ALDH1A3: variants seen among roughly 807,000 people sequenced by gnomAD.
The protein encoded by ALDH1A3 is retinaldehyde dehydrogenase 3.
ALDH1A3 carries 28 observed loss-of-function variants against 57.5 expected under a neutral mutation model. That is an observed-to-expected ratio of 0.49 (90% CI 0.36 to 0.67). The LOEUF (loss-of-function observed/expected upper bound fraction) is 0.67. ALDH1A3 is among the 30% of genes least tolerant of loss of function. The pLI is 0.00. For synonymous variants in ALDH1A3, 281 were observed against 264.8 expected (o/e 1.06, Z -0.59); for missense variants, 507 against 669.4 (o/e 0.76, Z 2.68).
chr15:100,885,777 A>G (rs971395131), intron 2 of ALDH1A3, among the ~76,000 whole-genome samples: 4 of 152,138 alleles, frequency 2.6e-5, no homozygotes, highest in African/African-American at 9.7e-5. Flanking sequence ...TTTAGAAAAA[A>G]ATAGACACTT....
rs4646654 is a variant in ALDH1A3, at chr15:100,885,193, C to T, written c.100-74C>T. Reference sequence around the variant, plus strand: ...GTGGACAAGATGGATAAGACGTCACCTAAGGTCCTTAGCATGTTGAAATTA... The same window carrying T: ...GTGGACAAGATGGATAAGACGTCACTTAAGGTCCTTAGCATGTTGAAATTA... On this transcript the variant is annotated intron_variant, in intron 1 of 12. Coordinates refer to ENST00000329841, the MANE Select transcript of ALDH1A3 (RefSeq NM_000693.4). 6,579 of 1,069,936 alleles carry T rather than the reference C, an allele frequency of 6.1e-3. 99 individuals are homozygous for T. Among genetic ancestry groups the T allele is most frequent in the East Asian group, 0.039 (1,644 of 42,098 alleles). The allele number at this position is 1,069,936 out of a possible 1,614,324, so 66.3% of individuals were successfully genotyped here.
At chr15:100,885,497 G>C in intron 2 of ALDH1A3, 126 bp downstream of exon 2, 1 of 662,324 alleles carries the variant, frequency 1.5e-6, no homozygotes, top group Non-Finnish European at 2.6e-6. Context: ...GGCTAGCTGC[G>C]TGAATTGGCA....
chr15:100,881,635 G>A (rs1300948208), intron 1 of ALDH1A3: 1 of 152,072 alleles, frequency 6.6e-6, no homozygotes, highest in Admixed American at 6.6e-5. Flanking sequence ...ACAATTCACA[G>A]AGCAATGGTT....
Position 100,887,540 on chromosome 15 carries a change from G to T in ALDH1A3, c.205-32G>T. 2 of 1,514,430 alleles carry T rather than the reference G, an allele frequency of 1.3e-6. No individual in the cohort carries two copies. The highest frequency in any genetic ancestry group is 2.6e-5 in the South Asian group (2 of 77,588). 93.8% of individuals were successfully genotyped at this position (1,514,430 alleles called of 1,614,324 possible). A position where few individuals can be genotyped will look rare whatever the true frequency, so the allele number is the denominator to read the frequency against. ...CCAAACTGCAGTCACGTCAAAAGAT[G>T]ACAGTCTCTCTCTGTTGTTCTGGTC... On this transcript the variant is annotated intron_variant, in intron 2 of 12. Coordinates refer to ENST00000329841, the MANE Select transcript of ALDH1A3 (RefSeq NM_000693.4). The surrounding 1 kb of genome is among the most constrained non-coding windows in gnomAD (Gnocchi z 4.6).
At chr15:100,892,191 C>G (rs2041656881) in intron 3 of ALDH1A3, 2 of 312,292 alleles carry the variant, frequency 6.4e-6, no homozygotes, top group Non-Finnish European at 1.2e-5. Flanking sequence ...AGATCAGATG[C>G]CAGTGTGCGT....
At chr15:100,904,699 G>A (rs1337350745) in intron 9 of ALDH1A3, among the ~76,000 whole-genome samples, 1 of 152,174 alleles carries the variant, frequency 6.6e-6, no homozygotes, top group Non-Finnish European at 1.5e-5. Flanking sequence ...AAAAGGGTGC[G>A]CTTTTGACAA....
Position 100,907,124 on chromosome 15 carries a change from T to C in ALDH1A3, c.1237T>C (p.Phe413Leu), listed in dbSNP as rs2041830007. ...CCATTCTTGCAATTAATCATAGATT[T>C]TCGGGCCAGTGCAACCAATACTGAA... is the stretch of plus-strand genomic sequence containing the variant. The part of the protein sequence containing the change: ...DNMRIAKEEI[F>L]GPVQPILKFK... Residue 413 changes from phenylalanine to leucine, a missense_variant, in exon 11 of 13, where the codon TTC becomes CTC. By Grantham distance (22) the Phe-to-Leu change is conservative. This residue lies in a region of ALDH1A3 where 432 missense variants were observed against 608.4 expected (regional missense o/e 0.71). Coordinates refer to ENST00000329841, the MANE Select transcript of ALDH1A3 (RefSeq NM_000693.4). 6.2e-7 allele frequency: 1 copy of C among 1,612,144 alleles called. No homozygotes were observed. Among genetic ancestry groups the C allele is most frequent in the Non-Finnish European group, 8.5e-7 (1 of 1,178,954 alleles).
intron 3 of ALDH1A3, among the ~76,000 whole-genome samples, chr15:100,891,316 C>T (rs968355062): frequency 2.6e-5 from 4 of 152,216 alleles, no homozygotes; most frequent in Non-Finnish European, 4.4e-5. Flanking sequence ...AACTAGGGTT[C>T]AGCAGATGTA....
Position 100,894,466 on chromosome 15 carries a change from G to A in ALDH1A3, c.666+384G>A, listed in dbSNP as rs956535659. ...CATTTTTCTCTGGAGAGGTGGCCTC[G>A]TCAGCTCTAGCTGGGCGGCTGCAGC... is the stretch of plus-strand genomic sequence containing the variant. On this transcript the variant is annotated intron_variant, in intron 6 of 12. Coordinates refer to ENST00000329841, the MANE Select transcript of ALDH1A3 (RefSeq NM_000693.4). This position sits in a 1 kb window ranked among gnomAD's most constrained non-coding sequence, Gnocchi z 4.5. The A allele has an allele frequency of 3.4e-5, 7 of 203,434 alleles. No homozygotes were observed. Among genetic ancestry groups the A allele is most frequent in the South Asian group, 1.7e-4 (2 of 11,496 alleles). The allele number at this position is 203,434 out of a possible 1,614,324, so 12.6% of individuals were successfully genotyped here. A position where few individuals can be genotyped will look rare whatever the true frequency, so the allele number is the denominator to read the frequency against.
chr15:100,883,565 C>G (rs1044254978), intron 1 of ALDH1A3, among the ~76,000 whole-genome samples: 2 of 152,164 alleles, frequency 1.3e-5, no homozygotes, highest in Admixed American at 1.3e-4. Context: ...GCTCACCTGC[C>G]CAGCCAGAGT....
rs1012376304 is a variant in ALDH1A3 at position 100,906,526 on chromosome 15, G to A, written c.1234-595G>A. Among the ~76,000 whole-genome samples, 2 of 152,164 alleles carry A rather than the reference G, an allele frequency of 1.3e-5. No individual in the cohort carries two copies. Among genetic ancestry groups the A allele is most frequent in the Non-Finnish European group, 2.9e-5 (2 of 68,024 alleles). ...TTGGCAGGCCAGGCACCATCCTGCC[G>A]GCTTATAATTATGTCTAATATTGAA... On this transcript the variant is annotated intron_variant, in intron 10 of 12. Transcript: ENST00000329841. The surrounding 1 kb of genome is among the most constrained non-coding windows in gnomAD (Gnocchi z 4.8).
chr15:100,881,857 C>T (rs1312753576), intron 1 of ALDH1A3, among the ~76,000 whole-genome samples: 1 of 152,222 alleles, frequency 6.6e-6, no homozygotes, highest in Non-Finnish European at 1.5e-5. Flanking sequence ...CCTGGCCCAT[C>T]TCTGCAGAGA....
At chr15:100,901,739 A>G (rs1269651347) in intron 9 of ALDH1A3, among the ~76,000 whole-genome samples, 4 of 152,228 alleles carry the variant, frequency 2.6e-5, no homozygotes, top group Non-Finnish European at 4.4e-5. Context: ...GCTTTAAATG[A>G]CAGGTTCTCC....
At position 100,900,559 on chromosome 15, in the gene ALDH1A3, G is replaced by T; in HGVS notation, c.884-16G>T. The T allele has an allele frequency of 6.4e-7, 1 of 1,564,876 alleles. No individual in the cohort carries two copies. Among genetic ancestry groups the T allele is most frequent in the Non-Finnish European group, 8.7e-7 (1 of 1,153,140 alleles). On this transcript the variant is annotated splice_polypyrimidine_tract_variant and intron_variant, in intron 8 of 12. Transcript: ENST00000329841. ...TCCTCTCGCTCTGCCCGCCTCCCTC[G>T]CCCCTCCCCCTCCAGTGGACTTGGC...
intron 3 of ALDH1A3, among the ~76,000 whole-genome samples, chr15:100,890,837 G>C (rs1354498906): frequency 2.0e-5 from 3 of 152,328 alleles, no homozygotes; most frequent in Non-Finnish European, 4.4e-5. Flanking sequence ...GTCAGTCTTA[G>C]AGGCCTTTTT....
chr15:100,890,498 T>A (rs775477768), intron 3 of ALDH1A3, among the ~76,000 whole-genome samples: 1 of 152,220 alleles, frequency 6.6e-6, no homozygotes, highest in Non-Finnish European at 1.5e-5. Flanking sequence ...ATTCATGTTG[T>A]CACTCCAGTA....
rs2041821566 is a variant in ALDH1A3 at position 100,906,284 on chromosome 15, C to G, written c.1233+597C>G. On this transcript the variant is annotated intron_variant, in intron 10 of 12. Coordinates refer to ENST00000329841, the MANE Select transcript of ALDH1A3 (RefSeq NM_000693.4). This position sits in a 1 kb window ranked among gnomAD's most constrained non-coding sequence, Gnocchi z 4.8. Reference sequence around the variant, plus strand: ...CTGTTACACTAGACGGGAACTGGTTCCCACACAGCATTTGTAAGAGGAGAG... The same window carrying G: ...CTGTTACACTAGACGGGAACTGGTTGCCACACAGCATTTGTAAGAGGAGAG... Among the ~76,000 whole-genome samples the G allele has an allele frequency of 6.6e-6, 1 of 152,168 alleles. No homozygotes were observed. Among genetic ancestry groups the G allele is most frequent in the African/African-American group, 2.4e-5 (1 of 41,432 alleles).
rs1178178708 is a variant in ALDH1A3 at position 100,914,747 on chromosome 15, A to G, written c.1513A>G (p.Ile505Val). 2 of 1,614,132 alleles carry G rather than the reference A, an allele frequency of 1.2e-6. No homozygotes were observed. Among genetic ancestry groups the G allele is most frequent in the Non-Finnish European group, 1.7e-6 (2 of 1,180,022 alleles). ...AEYTEVKTVT[I>V]KLGDKNP ...ATACACAGAAGTGAAAACTGTCACC[A>G]TCAAACTTGGCGACAAGAACCCCTG... is the stretch of plus-strand genomic sequence containing the variant. The change falls in exon 13 of 13, where the codon ATC becomes GTC. Residue 505 changes from isoleucine to valine, a missense_variant. Physicochemically the swap from Ile to Val is conservative, Grantham distance 29. This residue lies in a region of ALDH1A3 where 432 missense variants were observed against 608.4 expected (regional missense o/e 0.71). Coordinates refer to ENST00000329841, the MANE Select transcript of ALDH1A3 (RefSeq NM_000693.4).
intron 8 of ALDH1A3, 33 bp from the exon 9 acceptor site, chr15:100,900,542 C>T: frequency 1.3e-6 from 2 of 1,549,130 alleles, no homozygotes; most frequent in Non-Finnish European, 1.7e-6. Flanking sequence ...CTTCCTCTCG[C>T]TCTGCCCGCC....
Sources: gnomAD v4.1 joint callset for allele counts (sites outside exome capture counted in the v4.1 genomes callset) on GRCh38, gnomAD v4.1.1 for gene constraint, gnomAD v4.1.1 regional missense constraint, Gnocchi (gnomAD v3.1) non-coding constraint, MANE v1.5 for transcripts, NCBI Gene and HGNC (gene_info 2026-07-23, HGNC 2026-07-21) for gene names.